METTL21A: variants seen among roughly 807,000 people sequenced by gnomAD.
The protein encoded by METTL21A is methyltransferase 21A, HSPA lysine.
METTL21A carries 22 observed loss-of-function variants against 20.9 expected under a neutral mutation model. The ratio of observed to expected loss-of-function variants is 1.05; its 90% confidence interval spans 0.75 to 1.50. The LOEUF is 1.50. Ranked by LOEUF, METTL21A falls within the 40% of genes most tolerant of loss-of-function variation. The probability of loss-of-function intolerance (pLI) is 0.00; values close to 1 mark genes in which losing one functional copy is unlikely to be tolerated. For synonymous variants in METTL21A, 93 were observed against 102.0 expected (o/e 0.91, Z 0.53); for missense variants, 271 against 266.8 (o/e 1.02, Z -0.11).
chr2:207,605,806 C>CAGGATA (rs2087994955), downstream of METTL21A, among the ~76,000 whole-genome samples: 1 of 152,168 alleles, frequency 6.6e-6, no homozygotes, highest in African/African-American at 2.4e-5. Context: ...GTTGTATCTC[C>CAGGATA]AGGATACTGA....
At chr2:207,605,137 G>A (rs2087877393), downstream of METTL21A, among the ~76,000 whole-genome samples, 1 of 152,104 alleles carries the variant, frequency 6.6e-6, no homozygotes, top group African/African-American at 2.4e-5. Context: ...ACTTTTTGAG[G>A]AACTGTCAAA....
At chr2:207,604,561 A>G (rs767646979), downstream of METTL21A, among the ~76,000 whole-genome samples, 7 of 152,228 alleles carry the variant, frequency 4.6e-5, no homozygotes, top group Admixed American at 6.5e-5. Context: ...GAAAGGAAGG[A>G]TAATGTCCAG....
chr2:207,614,465 TAC>T (rs1489751429), intron 3 of METTL21A, among the ~76,000 whole-genome samples: 3 of 152,242 alleles, frequency 2.0e-5, no homozygotes, highest in Non-Finnish European at 4.4e-5. Flanking sequence ...TTTGTAAGGT[TAC>T]AGTTTAAAAA....
chr2:207,580,693 A>C (rs910632601), downstream of METTL21A: 1 of 222,118 alleles, frequency 4.5e-6, no homozygotes, highest in Admixed American at 5.7e-5. Context: ...ATTCTAAAAG[A>C]AAGTGTAGAC....
rs553711437 is a variant in METTL21A at position 207,621,385 on chromosome 2, G to T, written c.259+421C>A. Among the ~76,000 whole-genome samples, 7 of 152,316 alleles carry T rather than the reference G, an allele frequency of 4.6e-5. No individual in the cohort carries two copies. The South Asian group carries it at 1.4e-3, about 32-fold the overall frequency. ...CCAGCAAAGTTTCCTCAGCAATGAA[G>T]AAAAGACTATCTGCTCTATCTCCCT... On this transcript the variant is annotated intron_variant, in intron 3 of 3. Transcript: ENST00000406927.
downstream of METTL21A, among the ~76,000 whole-genome samples, chr2:207,607,462 G>A (rs1262756231): frequency 6.6e-6 from 1 of 151,636 alleles, no homozygotes; most frequent in Non-Finnish European, 1.5e-5. Context: ...CCTTCTAGGA[G>A]CATAAATTGT....
At chr2:207,596,953 T>C (rs1186667443) in intron 3 of METTL21A, 12 of 1,611,938 alleles carry the variant, frequency 7.4e-6, no homozygotes, top group Non-Finnish European at 1.0e-5. Context: ...AGAAAGAATA[T>C]GTGAAATGTT....
chr2:207,594,668 T>G (rs911989455), intron 3 of METTL21A, among the ~76,000 whole-genome samples: 2 of 152,196 alleles, frequency 1.3e-5, no homozygotes, highest in South Asian at 4.1e-4. Flanking sequence ...TGAATAATGC[T>G]GCAATGAACA....
intron 3 of METTL21A, chr2:207,597,856 TA>T (rs1362347810): frequency 1.0e-5 from 2 of 191,460 alleles, no homozygotes; most frequent in Non-Finnish European, 2.2e-5. Flanking sequence ...AAGCATATTT[TA>T]GTTAGTACTA....
In METTL21A at chr2:207,582,906, CAAACAA is replaced by C. The variant is rs377168127; in HGVS notation, c.260-752_260-747del. On this transcript the variant is annotated intron_variant, in intron 3 of 3. Transcript: ENST00000425132. ...ACTCTGTCTCAAAAAAACAAACAAA[CAAACAA>C]AAAAAAATATATATATATACATACA... 226 of 282,878 alleles carry C rather than the reference CAAACAA, an allele frequency of 8.0e-4. 3 individuals carry two copies. The highest frequency in any genetic ancestry group is 5.7e-3 in the South Asian group (183 of 31,974). The allele number at this position is 282,878 out of a possible 1,614,324, so 17.5% of individuals were successfully genotyped here. A position where few individuals can be genotyped will look rare whatever the true frequency, so the allele number is the denominator to read the frequency against.
At chr2:207,625,037 C>G (rs1159859440) in intron 1 of METTL21A, 25 bp downstream of exon 1, 1 of 152,370 alleles carries the variant, frequency 6.6e-6, no homozygotes, top group African/African-American at 2.4e-5. Flanking sequence ...TCCCCGAACT[C>G]CCCCTATAGC....
downstream of METTL21A, among the ~76,000 whole-genome samples, chr2:207,604,681 C>A (rs556522066): frequency 6.6e-6 from 1 of 152,186 alleles, no homozygotes; most frequent in African/African-American, 2.4e-5. Flanking sequence ...ACCACCACTT[C>A]TATCTAGCTC....
chr2:207,604,848 C>T (rs1037519299), downstream of METTL21A, among the ~76,000 whole-genome samples: 20 of 152,178 alleles, frequency 1.3e-4, no homozygotes, highest in Non-Finnish European at 5.9e-5. Context: ...TTACTTCTTT[C>T]GTCTAGCTTT....
chr2:207,621,939 T>A, intron 2 of METTL21A, 22 bp from the exon 3 acceptor site: 1 of 1,605,592 alleles, frequency 6.2e-7, no homozygotes. Context: ...CACAGTGTGA[T>A]GACGATTAAG....
chr2:207,619,993 T>TA (rs1161481125), intron 3 of METTL21A, among the ~76,000 whole-genome samples: 1 of 152,186 alleles, frequency 6.6e-6, no homozygotes, highest in Admixed American at 6.6e-5. Flanking sequence ...CAAAACCAAG[T>TA]ATAACTAAGC....
rs577189257 is a variant in METTL21A at position 207,618,708 on chromosome 2, A to G, written c.259+3098T>C. Among the ~76,000 whole-genome samples, 8 of 152,258 alleles carry G rather than the reference A, an allele frequency of 5.3e-5. No homozygotes were observed. The South Asian group carries it at 1.7e-3, about 32-fold the overall frequency. ...GGGTGACAGAGTGAGACTCCATCTC[A>G]AAAACAACAACAACAACAAAAGGTA... On this transcript the variant is annotated intron_variant, in intron 3 of 3. Transcript: ENST00000406927.
At chr2:207,602,705 T>G (rs186586133) in intron 3 of METTL21A, 2 of 210,464 alleles carry the variant, frequency 9.5e-6, no homozygotes. Context: ...TATAGATGTA[T>G]TTTTATCCAA....
chr2:207,584,202 C>T (rs1325480883), intron 3 of METTL21A, among the ~76,000 whole-genome samples: 1 of 152,206 alleles, frequency 6.6e-6, no homozygotes, highest in African/African-American at 2.4e-5. Flanking sequence ...ATGTAACTAA[C>T]TGTATATTTA....
chr2:207,620,655 A>C (rs1488130529), intron 3 of METTL21A: 1 of 1,534,956 alleles, frequency 6.5e-7, no homozygotes, highest in Non-Finnish European at 8.7e-7. Context: ...AAAGAATAAA[A>C]GGCAGTGTAC....
Sources: allele counts gnomAD v4.1 joint callset (sites outside exome capture counted in the v4.1 genomes callset), GRCh38; gene constraint gnomAD v4.1.1; transcripts MANE v1.5; gene names NCBI Gene and HGNC (gene_info 2026-07-23, HGNC 2026-07-21).